FHAD1: variants seen among roughly 807,000 people sequenced by gnomAD.
The protein encoded by FHAD1 is forkhead-associated domain-containing protein 1.
Under a neutral mutation model 191.3 loss-of-function variants are expected in FHAD1, and 146 were observed. The ratio of observed to expected loss-of-function variants is 0.76; its 90% CI spans 0.67 to 0.88. FHAD1 has a LOEUF of 0.88. FHAD1 is among the 40% of genes least tolerant of loss of function. FHAD1 has a pLI of 0.00. For synonymous variants in FHAD1, 616 were observed against 672.3 expected (o/e 0.92, Z 1.29); for missense variants, 1,635 against 1,785.8 (o/e 0.92, Z 1.52).
chr1:15,329,216 C>A lies in FHAD1; in HGVS notation c.1711-130C>A. ...TTTTAAAAAAGAAAAAAACTGAGTC[C>A]TCCCAAGGCGGCCAATACGTGGCGC... On this transcript the variant is annotated intron_variant, in intron 13 of 33. Coordinates refer to ENST00000688493, the MANE Select transcript of FHAD1 (RefSeq NM_001391957.1). The surrounding 1 kb of genome is among the most constrained non-coding windows in gnomAD (Gnocchi z 5.0). The A allele has an allele frequency of 1.5e-6, 1 of 671,066 alleles. No homozygotes were observed. Among genetic ancestry groups the A allele is most frequent in the Non-Finnish European group, 2.4e-6 (1 of 420,988 alleles). The allele number at this position is 671,066 out of a possible 1,614,324, so 41.6% of individuals were successfully genotyped here. A position where few individuals can be genotyped will look rare whatever the true frequency, so the allele number is the denominator to read the frequency against.
At chr1:15,317,997 C>A in intron 10 of FHAD1, 69 bp downstream of exon 10, 1 of 995,668 alleles carries the variant, frequency 1.0e-6, no homozygotes. Context: ...CCCTGTTAGT[C>A]CTCTAAGTGG....
At chr1:15,373,948 A>T (rs1450585617) in intron 26 of FHAD1, among the ~76,000 whole-genome samples, 2 of 152,230 alleles carry the variant, frequency 1.3e-5, no homozygotes, top group Admixed American at 1.3e-4. Flanking sequence ...TCTAGTGGCC[A>T]CCATATTGGA....
downstream of FHAD1, among the ~76,000 whole-genome samples, chr1:15,398,800 G>A (rs934385067): frequency 1.4e-5 from 2 of 147,172 alleles, no homozygotes; most frequent in Non-Finnish European, 1.5e-5. Context: ...AAAAAAAAAT[G>A]GAAGAGCCAG....
Position 15,272,317 on chromosome 1 carries a change from T to C in FHAD1, c.94-6T>C, listed in dbSNP as rs1656425043. On this transcript the variant is annotated splice_region_variant and splice_polypyrimidine_tract_variant and intron_variant, in intron 2 of 33. Coordinates refer to ENST00000688493, the MANE Select transcript of FHAD1 (RefSeq NM_001391957.1). ...TGGCTACGACTGTCCTCCTTCTCCG[T>C]TGCAGTCTCCTGACATCGACAACCA... 1 of 1,546,968 alleles carries C rather than the reference T, an allele frequency of 6.5e-7. No homozygotes were observed. Among genetic ancestry groups the C allele is most frequent in the South Asian group, 1.2e-5 (1 of 83,996 alleles).
rs58721576 is a variant in FHAD1, at chr1:15,308,472, T to G, written c.916-141T>G. 26,226 of 1,129,250 alleles carry G rather than the reference T, an allele frequency of 0.023. 3,123 individuals are homozygous for G. The African/African-American group carries it at 0.3, about 13-fold the overall frequency. 70.0% of individuals were successfully genotyped at this position (1,129,250 alleles called of 1,614,324 possible). A position where few individuals can be genotyped will look rare whatever the true frequency, so the allele number is the denominator to read the frequency against. ...ACAGGCCCTCCCCTGTCCCTTCCAC[T>G]GGTTAAAACTAAAAAGCTTGGTTTC... On this transcript the variant is annotated intron_variant, in intron 6 of 33. Transcript: ENST00000688493.
At chr1:15,389,272 C>T (rs185724541) in intron 32 of FHAD1, among the ~76,000 whole-genome samples, 9 of 151,838 alleles carry the variant, frequency 5.9e-5, no homozygotes, top group Admixed American at 5.9e-4. Flanking sequence ...ATGGCAAAAC[C>T]CTGGCTCTAC....
At chr1:15,372,409 T>C (rs1209157562) in intron 26 of FHAD1, among the ~76,000 whole-genome samples, 1 of 152,176 alleles carries the variant, frequency 6.6e-6, no homozygotes, top group African/African-American at 2.4e-5. Context: ...AACAGATGTC[T>C]CCTTTGCTCT....
At chr1:15,349,186 A>T (rs963136946) in intron 19 of FHAD1, 37 bp downstream of exon 19, 2 of 1,445,996 alleles carry the variant, frequency 1.4e-6, no homozygotes, top group Admixed American at 4.0e-5. Flanking sequence ...TCTGGAAGGA[A>T]CTACAAAGCC....
intron 28 of FHAD1, 97 bp from the exon 29 acceptor site, chr1:15,380,604 G>A: frequency 1.0e-6 from 1 of 953,520 alleles, no homozygotes. Flanking sequence ...CAACTCTCTT[G>A]AGTTAATCTT....
At chr1:15,371,433 C>T (rs1183130740) in intron 26 of FHAD1, among the ~76,000 whole-genome samples, 1 of 152,196 alleles carries the variant, frequency 6.6e-6, no homozygotes, top group Non-Finnish European at 1.5e-5. Context: ...CTCCTTCGGG[C>T]TCCTTCCTGC....
At chr1:15,279,275 T>C (rs768699346) in intron 3 of FHAD1, among the ~76,000 whole-genome samples, 7 of 152,210 alleles carry the variant, frequency 4.6e-5, no homozygotes, top group Non-Finnish European at 8.8e-5. Flanking sequence ...CAGGAAATTT[T>C]ACTGTTTGCA....
At position 15,302,854 on chromosome 1, in the gene FHAD1, G is replaced by A. The variant is rs537870130; in HGVS notation, c.915+1413G>A. Among the ~76,000 whole-genome samples, 25 of 152,348 alleles carry A rather than the reference G, an allele frequency of 1.6e-4. No individual in the cohort carries two copies. In the East Asian group the frequency reaches 3.1e-3, roughly 19 times the overall value. On this transcript the variant is annotated intron_variant, in intron 6 of 33. Transcript: ENST00000688493. ...GACATGCCTGGGGCCTCTGTTCGCC[G>A]ATTCACTGCTTTTGGCCTCTGCCTT...
In FHAD1 at chr1:15,272,535, T is replaced by G. The variant is rs2101289219; in HGVS notation, c.300+6T>G. The G allele has an allele frequency of 6.5e-7, 1 of 1,540,034 alleles. No homozygotes were observed. The highest frequency in any genetic ancestry group is 1.4e-5 in the African/African-American group (1 of 72,904). ...TCATTGAAAATCCACCTCCGGTGAG[T>G]CCGGGCCACTGGGGGATAGAGGGGC... is the stretch of plus-strand genomic sequence containing the variant. On this transcript the variant is annotated splice_donor_region_variant and intron_variant, in intron 3 of 33. Coordinates refer to ENST00000688493, the MANE Select transcript of FHAD1 (RefSeq NM_001391957.1).
At chr1:15,367,386 C>G in intron 24 of FHAD1, 77 bp from the exon 25 acceptor site, 4 of 1,484,502 alleles carry the variant, frequency 2.7e-6, no homozygotes, top group Non-Finnish European at 3.6e-6. Flanking sequence ...ATCCCACGTA[C>G]ACAAGAGGCT....
chr1:15,382,990 G>T (rs1295802573), intron 31 of FHAD1, among the ~76,000 whole-genome samples: 5 of 152,112 alleles, frequency 3.3e-5, no homozygotes, highest in African/African-American at 9.7e-5. Context: ...GCGAAAATGG[G>T]TCCCCCTCCC....
intron 18 of FHAD1, 50 bp downstream of exon 18, chr1:15,345,573 A>G (rs1397117259): frequency 1.4e-6 from 2 of 1,414,648 alleles, no homozygotes; most frequent in Admixed American, 3.9e-5. Flanking sequence ...CTTGAGGGCC[A>G]TGTGGAAGGA....
In FHAD1 at chr1:15,381,090, C is replaced by A; in HGVS notation, c.3802-141C>A. 1.5e-6 allele frequency: 1 copy of A among 650,112 alleles called. No homozygotes were observed. 40.3% of individuals were successfully genotyped at this position (650,112 alleles called of 1,614,324 possible). On this transcript the variant is annotated intron_variant, in intron 29 of 33. Coordinates refer to ENST00000688493, the MANE Select transcript of FHAD1 (RefSeq NM_001391957.1). The surrounding 1 kb of genome is among the most constrained non-coding windows in gnomAD (Gnocchi z 4.6). Reference sequence around the variant, plus strand: ...GAAAGGAAAGTCATGCTGAAAGCCCCAGTTGCACATCCTTTCAAAGCATGT... The same window carrying A: ...GAAAGGAAAGTCATGCTGAAAGCCCAAGTTGCACATCCTTTCAAAGCATGT...
intron 2 of FHAD1, among the ~76,000 whole-genome samples, chr1:15,257,477 C>G (rs1185192357): frequency 3.3e-5 from 5 of 152,234 alleles, no homozygotes; most frequent in Admixed American, 3.3e-4. Context: ...AAGAAGCAGG[C>G]CTGGGGGATG....
At position 15,388,119 on chromosome 1, in the gene FHAD1, G is replaced by A. The variant is rs1042649862; in HGVS notation, c.4257G>A (p.Glu1419=). ...ESTPCNCAFK[E]KDRQRRVFVE... ...CACCTTGCAACTGTGCCTTCAAAGA[G>A]AAAGACAGGCAGGTATGGGAGGTGT... Residue 1419 remains glutamate, a synonymous_variant, in exon 32 of 34, where the codon GAG becomes GAA. Coordinates refer to ENST00000688493, the MANE Select transcript of FHAD1 (RefSeq NM_001391957.1). The A allele has an allele frequency of 3.1e-6, 4 of 1,289,634 alleles. No individual in the cohort carries two copies. In the African/African-American group the frequency reaches 6.1e-5, roughly 20 times the overall value. The allele number at this position is 1,289,634 out of a possible 1,614,324, so 79.9% of individuals were successfully genotyped here. A position where few individuals can be genotyped will look rare whatever the true frequency, so the allele number is the denominator to read the frequency against.
Sources: allele counts gnomAD v4.1 joint callset (sites outside exome capture counted in the v4.1 genomes callset), GRCh38; gene constraint gnomAD v4.1.1; non-coding constraint Gnocchi (gnomAD v3.1); transcripts MANE v1.5; gene names NCBI Gene and HGNC (gene_info 2026-07-23, HGNC 2026-07-21).